CNTN4: variants seen among roughly 807,000 people sequenced by gnomAD.
CNTN4 encodes contactin 4.
CNTN4 carries 77 observed loss-of-function variants against 122.5 expected under a neutral mutation model. The ratio of observed to expected loss-of-function variants is 0.63; its 90% confidence interval spans 0.52 to 0.76. The LOEUF (loss-of-function observed/expected upper bound fraction) is 0.76. Among genes scored for constraint, CNTN4 ranks in the 30% least tolerant of loss-of-function variants. The probability of loss-of-function intolerance (pLI) is 0.00; values close to 1 mark genes in which losing one functional copy is unlikely to be tolerated. For synonymous variants in CNTN4, 512 were observed against 447.0 expected, an observed-to-expected ratio of 1.15 and a Z score of -1.83; for missense variants, 1,256 against 1,259.1, an observed-to-expected ratio of 1.00 and a Z score of 0.04.
At chr3:2,199,963 AG>A (rs1185646380) in intron 2 of CNTN4, among the ~76,000 whole-genome samples, 1 of 152,150 alleles carries the variant, frequency 6.6e-6, no homozygotes, top group African/African-American at 2.4e-5. Flanking sequence ...TGTTGGATGA[AG>A]ATGAGCTATC....
chr3:2,988,518 G>A (rs761194354), intron 14 of CNTN4, 46 bp downstream of exon 14: 14 of 1,601,716 alleles, frequency 8.7e-6, no homozygotes, highest in East Asian at 2.2e-5. Context: ...ATGTGTCCTC[G>A]TGTCTAATAA....
At chr3:2,829,710 A>G (rs1246152354) in intron 7 of CNTN4, among the ~76,000 whole-genome samples, 2 of 152,218 alleles carry the variant, frequency 1.3e-5, no homozygotes, top group Non-Finnish European at 2.9e-5. Context: ...GATGTCAACA[A>G]CTATACACTT....
intron 4 of CNTN4, among the ~76,000 whole-genome samples, chr3:2,665,236 A>G (rs956115139): frequency 1.3e-5 from 2 of 152,198 alleles, no homozygotes; most frequent in South Asian, 2.1e-4. Flanking sequence ...TTTCTTAACC[A>G]GGCTATACAG....
chr3:2,890,756 T>C (rs2094030045), intron 10 of CNTN4, among the ~76,000 whole-genome samples: 1 of 152,194 alleles, frequency 6.6e-6, no homozygotes, highest in South Asian at 2.1e-4. Context: ...CTACTCATGT[T>C]TGGTATGTAT....
intron 23 of CNTN4, among the ~76,000 whole-genome samples, chr3:3,045,444 G>A (rs374198970): frequency 6.6e-4 from 101 of 152,332 alleles, no homozygotes; most frequent in Middle Eastern, 3.4e-3. Context: ...CCAGAGGAAC[G>A]ATCAGGCAGC....
intron 3 of CNTN4, among the ~76,000 whole-genome samples, chr3:2,365,069 G>A (rs1180373787): frequency 6.6e-6 from 1 of 151,994 alleles, no homozygotes; most frequent in East Asian, 1.9e-4. Flanking sequence ...TTTCAATTTT[G>A]GAAACTCCTA....
At chr3:2,980,867 G>A (rs866975380) in intron 13 of CNTN4, among the ~76,000 whole-genome samples, 2 of 152,116 alleles carry the variant, frequency 1.3e-5, no homozygotes, top group Non-Finnish European at 2.9e-5. Flanking sequence ...TACATAACTC[G>A]TGGGGAAGCT....
chr3:2,993,245 G>T (rs1023502242), intron 14 of CNTN4, among the ~76,000 whole-genome samples: 1 of 151,812 alleles, frequency 6.6e-6, no homozygotes, highest in East Asian at 1.9e-4. Flanking sequence ...TATTAACTAA[G>T]GTTGCTCTTG....
chr3:3,053,579 G>A (rs1051797199), intron 23 of CNTN4, among the ~76,000 whole-genome samples: 1 of 152,112 alleles, frequency 6.6e-6, no homozygotes, highest in Non-Finnish European at 1.5e-5. Flanking sequence ...GTAGAATCAC[G>A]TTGCTGATGC....
At chr3:2,526,538 A>G (rs2077404316) in intron 3 of CNTN4, among the ~76,000 whole-genome samples, 1 of 152,168 alleles carries the variant, frequency 6.6e-6, no homozygotes, top group Non-Finnish European at 1.5e-5. Context: ...TAACTAGGAT[A>G]AAATAATCCA....
At chr3:2,272,846 C>T (rs2149829177) in intron 2 of CNTN4, among the ~76,000 whole-genome samples, 1 of 151,956 alleles carries the variant, frequency 6.6e-6, no homozygotes, top group Non-Finnish European at 1.5e-5. Flanking sequence ...TTGCCCTGGA[C>T]ATGAGGTGGT....
intron 6 of CNTN4, among the ~76,000 whole-genome samples, chr3:2,771,049 C>A (rs75607647): frequency 0.019 from 2,964 of 152,288 alleles, 115 homozygotes; most frequent in African/African-American, 0.067. Context: ...GAAAGAGCAA[C>A]ATGGAGCCTC....
rs373475791 is a variant in CNTN4, at chr3:2,102,100, A to G, written c.-145+1461A>G. ...GATGTCATCTTAGATCTCCCAAAGT[A>G]GACATACAGGTGAATTTTAAAAAAT... On this transcript the variant is annotated intron_variant, in intron 2 of 24. Transcript: ENST00000418658. Among the ~76,000 whole-genome samples, 46 of 152,380 alleles carry G rather than the reference A, an allele frequency of 3.0e-4. No homozygotes were observed. In the East Asian group the frequency reaches 7.5e-3, roughly 25 times the overall value.
chr3:2,138,106 G>T (rs1415212029), intron 2 of CNTN4, among the ~76,000 whole-genome samples: 1 of 137,632 alleles, frequency 7.3e-6, no homozygotes, highest in Non-Finnish European at 1.5e-5. Context: ...TCGCTCTGTT[G>T]CTCAGGCTGA....
chr3:2,727,178 T>G (rs2088289955), intron 4 of CNTN4, among the ~76,000 whole-genome samples: 1 of 152,116 alleles, frequency 6.6e-6, no homozygotes, highest in Non-Finnish European at 1.5e-5. Flanking sequence ...CAGAAATGTT[T>G]GAGAATTTAA....
At chr3:2,659,460 C>CAAAAAAAAAAA (rs59025670) in intron 4 of CNTN4, among the ~76,000 whole-genome samples, 4 of 53,966 alleles carry the variant, frequency 7.4e-5, no homozygotes, top group African/African-American at 2.0e-4. Context: ...GACTCCATCT[C>CAAAAAAAAAAA]AAAAAAAAAA....
intron 2 of CNTN4, among the ~76,000 whole-genome samples, chr3:2,220,530 C>G (rs1274123820): frequency 6.6e-6 from 1 of 152,086 alleles, no homozygotes; most frequent in East Asian, 1.9e-4. Flanking sequence ...CAATGAATGA[C>G]ATTAATATTT....
chr3:2,120,399 A>AT lies in CNTN4; in HGVS notation c.-145+19761dup, dbSNP rs2033680481. Among the ~76,000 whole-genome samples the AT allele has an allele frequency of 4.2e-4, 13 of 30,744 alleles. No individual in the cohort carries two copies. The East Asian group carries it at 5.5e-3, about 13-fold the overall frequency. 20.2% of individuals were successfully genotyped at this position (30,744 alleles called of 152,430 possible). On this transcript the variant is annotated intron_variant, in intron 2 of 24. Coordinates refer to ENST00000418658, the MANE Select transcript of CNTN4 (RefSeq NM_175607.3). Reference sequence around the variant, plus strand: ...AATATATATATATATATATATATATATATATATTTTTTTTTTTTTTTTTAT... The same window carrying AT: ...AATATATATATATATATATATATATATTATATATTTTTTTTTTTTTTTTTAT...
chr3:2,778,058 C>A (rs957625890), intron 6 of CNTN4, among the ~76,000 whole-genome samples: 26 of 149,922 alleles, frequency 1.7e-4, no homozygotes, highest in African/African-American at 5.9e-4. Context: ...ACTAAAAATA[C>A]AAAAAATTAG....
Sources: allele counts gnomAD v4.1 joint callset (sites outside exome capture counted in the v4.1 genomes callset), GRCh38; gene constraint gnomAD v4.1.1; transcripts MANE v1.5; gene names NCBI Gene and HGNC (gene_info 2026-07-23, HGNC 2026-07-21).